The following CPM variants were observed in gnomAD, a reference collection of about 807,000 sequenced individuals.
CPM encodes the protein carboxypeptidase M.
CPM carries 35 observed loss-of-function variants against 46.4 expected under a neutral mutation model. The observed-to-expected ratio is 0.75, with a 90% CI of 0.58 to 1.00. CPM has a LOEUF of 1.00. Ranked by LOEUF, CPM falls within the 50% of genes least tolerant of loss-of-function variation. The pLI, the probability that CPM is intolerant of heterozygous loss-of-function variation, is 0.00. For synonymous variants in CPM, 195 were observed against 195.3 expected, an observed-to-expected ratio of 1.00 and a Z score of 0.01; for missense variants, 422 against 530.4, an observed-to-expected ratio of 0.80 and a Z score of 2.01.
intron 2 of CPM, among the ~76,000 whole-genome samples, chr12:68,920,903 C>T (rs983189790): frequency 1.2e-4 from 18 of 150,558 alleles, no homozygotes; most frequent in African/African-American, 4.2e-4. Flanking sequence ...GGTTTTGCCA[C>T]GTTGGCCAGG....
intron 1 of CPM, among the ~76,000 whole-genome samples, chr12:68,962,129 G>A (rs1290043987): frequency 1.3e-5 from 2 of 151,688 alleles, no homozygotes; most frequent in African/African-American, 4.9e-5. Context: ...GAACCTGGGA[G>A]GCGGAGCTTG....
intron 2 of CPM, among the ~76,000 whole-genome samples, chr12:68,926,587 G>A (rs1332382757): frequency 2.0e-5 from 3 of 151,800 alleles, no homozygotes; most frequent in Non-Finnish European, 4.4e-5. Context: ...TATACTTTAA[G>A]TTTTAGGGTA....
At chr12:68,885,346 G>A (rs899997996) in intron 3 of CPM, among the ~76,000 whole-genome samples, 1 of 152,204 alleles carries the variant, frequency 6.6e-6, no homozygotes, top group African/African-American at 2.4e-5. Flanking sequence ...AGTAACAAAA[G>A]CATTTGAAAA....
At chr12:68,898,973 A>G (rs1887002804) in intron 2 of CPM, among the ~76,000 whole-genome samples, 1 of 152,202 alleles carries the variant, frequency 6.6e-6, no homozygotes, top group Admixed American at 6.5e-5. Flanking sequence ...CTGATGACAA[A>G]CTACTGGCCC....
chr12:68,947,967 A>G (rs922059354), intron 1 of CPM, among the ~76,000 whole-genome samples: 3 of 152,182 alleles, frequency 2.0e-5, no homozygotes, highest in Admixed American at 6.5e-5. Flanking sequence ...TCCCCATCCC[A>G]AAGCAAACTC....
chr12:68,931,212 C>A (rs1350966142), intron 2 of CPM, among the ~76,000 whole-genome samples: 1 of 152,098 alleles, frequency 6.6e-6, no homozygotes, highest in Non-Finnish European at 1.5e-5. Context: ...TTATATAATA[C>A]TTTTTCTTTA....
At chr12:68,844,913 C>G (rs1260687380) in intron 5 of CPM, 1 of 200,334 alleles carries the variant, frequency 5.0e-6, no homozygotes, top group African/African-American at 2.3e-5. Flanking sequence ...GGTTAGAGCA[C>G]CCTGTCACCA....
chr12:68,913,186 G>A (rs1887668903), intron 2 of CPM, among the ~76,000 whole-genome samples: 2 of 152,160 alleles, frequency 1.3e-5, no homozygotes, highest in African/African-American at 4.8e-5. Flanking sequence ...CTCAGTCTGT[G>A]CTCACTGGAA....
intron 3 of CPM, among the ~76,000 whole-genome samples, chr12:68,880,664 G>A (rs1032644521): frequency 6.6e-6 from 1 of 152,180 alleles, no homozygotes; most frequent in Non-Finnish European, 1.5e-5. Flanking sequence ...TTCAGGCTCC[G>A]GGTTCCCACA....
chr12:68,913,651 G>A (rs1887689765), intron 2 of CPM, among the ~76,000 whole-genome samples: 1 of 152,166 alleles, frequency 6.6e-6, no homozygotes, highest in Non-Finnish European at 1.5e-5. Flanking sequence ...CAACCCCAGA[G>A]AGCCTAGCAC....
intron 1 of CPM, among the ~76,000 whole-genome samples, chr12:68,943,123 A>C (rs147847392): frequency 1.8e-3 from 271 of 152,324 alleles, no homozygotes; most frequent in African/African-American, 6.1e-3. Flanking sequence ...AAAATAGTAA[A>C]TTATTAAAAG....
At chr12:68,842,654 CAT>C (rs746641927) in intron 5 of CPM, 41 of 217,504 alleles carry the variant, frequency 1.9e-4, no homozygotes, top group Non-Finnish European at 3.0e-4. Flanking sequence ...TACTAGACAA[CAT>C]GTAATTAATG....
Position 68,932,808 on chromosome 12 carries a change from C to CA in CPM, c.29dup (p.Leu11ValfsTer45). The CA allele has an allele frequency of 6.2e-7, 1 of 1,614,188 alleles. No homozygotes were observed. The highest frequency in any genetic ancestry group is 1.1e-5 in the South Asian group (1 of 91,086). ...CCAGCGCAGCTACCAAAGGCAGCAACAGCCCTAGCCAGAGGCACGGGAAGT... is the reference window on the plus strand; with the variant it reads ...CCAGCGCAGCTACCAAAGGCAGCAACAAGCCCTAGCCAGAGGCACGGGAAGT... On this transcript the variant is annotated frameshift_variant, in exon 2 of 9. Transcript: ENST00000551568. LOFTEE classifies it high-confidence loss of function.
intron 2 of CPM, chr12:68,913,856 C>T (rs776114602): frequency 2.4e-5 from 16 of 656,540 alleles, no homozygotes; most frequent in South Asian, 8.2e-5. Context: ...CATGAGGATG[C>T]GGGGAATTAC....
chr12:68,909,981 TATA>T (rs1019105646), intron 2 of CPM, among the ~76,000 whole-genome samples: 57 of 150,110 alleles, frequency 3.8e-4, no homozygotes, highest in Non-Finnish European at 6.7e-4. Context: ...AACTTAAAAG[TATA>T]ATAATAATAA....
chr12:68,885,967 A>G, intron 2 of CPM, 78 bp from the exon 3 acceptor site: 2 of 1,200,830 alleles, frequency 1.7e-6, no homozygotes, highest in Non-Finnish European at 2.4e-6. Flanking sequence ...AGACTAGGAA[A>G]CAGGATGCTG....
Position 68,900,602 on chromosome 12 carries a change from T to C in CPM, c.161-14713A>G, listed in dbSNP as rs538421586. 1.1e-4 allele frequency among the ~76,000 whole-genome samples: 16 copies of C among 152,310 alleles called. No individual in the cohort carries two copies. In the South Asian group the frequency reaches 2.7e-3, roughly 26 times the overall value. On this transcript the variant is annotated intron_variant, in intron 2 of 8. Coordinates refer to ENST00000551568, the MANE Select transcript of CPM (RefSeq NM_198320.5). ...CAGCTATTTACATTTTTATTTATCA[T>C]TGCCAAAACTTGAAAGGAACCAAGA...
chr12:68,867,908 G>A (rs550492322), intron 6 of CPM, among the ~76,000 whole-genome samples: 6 of 152,318 alleles, frequency 3.9e-5, no homozygotes, highest in South Asian at 2.1e-4. Context: ...AATGCCAAGC[G>A]TGGAGGGGGC....
chr12:68,903,726 T>A (rs1229718715), intron 2 of CPM, among the ~76,000 whole-genome samples: 7 of 152,066 alleles, frequency 4.6e-5, no homozygotes, highest in Non-Finnish European at 4.4e-5. Flanking sequence ...CAAGAAAGAG[T>A]GGGCCAGGTG....
Sources: allele counts gnomAD v4.1 joint callset (sites outside exome capture counted in the v4.1 genomes callset), GRCh38; gene constraint gnomAD v4.1.1; transcripts MANE v1.5; gene names NCBI Gene and HGNC (gene_info 2026-07-23, HGNC 2026-07-21).